DLGAP1: variants seen among roughly 807,000 people sequenced by gnomAD.
The protein encoded by DLGAP1 is disks large-associated protein 1.
A neutral mutation model predicts 90.8 loss-of-function variants in DLGAP1; 11 were observed. That is an observed-to-expected ratio of 0.12 (90% CI 0.08 to 0.20). DLGAP1 has a LOEUF of 0.20. Ranked by LOEUF, DLGAP1 falls within the 10% of genes least tolerant of loss-of-function variation. The pLI, the probability that DLGAP1 is intolerant of heterozygous loss-of-function variation, is 1.00. For synonymous variants in DLGAP1, 558 were observed against 540.7 expected, an observed-to-expected ratio of 1.03 and a Z score of -0.44; for missense variants, 1,050 against 1,333.8, an observed-to-expected ratio of 0.79 and a Z score of 3.31.
At chr18:3,894,389 A>G (rs369693254) in intron 3 of DLGAP1, among the ~76,000 whole-genome samples, 1 of 152,168 alleles carries the variant, frequency 6.6e-6, no homozygotes, top group African/African-American at 2.4e-5. Flanking sequence ...TAATTTTTGT[A>G]TACAGTGAGA....
rs1598972678 is a variant in DLGAP1 at position 3,506,742 on chromosome 18, C to A, written c.2571+1828G>T. Among the ~76,000 whole-genome samples, 7 of 152,180 alleles carry A rather than the reference C, an allele frequency of 4.6e-5. No homozygotes were observed. The South Asian group carries it at 1.4e-3, about 32-fold the overall frequency. On this transcript the variant is annotated intron_variant, in intron 11 of 12. Transcript: ENST00000315677. Reference sequence around the variant, plus strand: ...TCCTTATGTACCTATTCTTCATGTACATGTTTGAGCAACACGGCTTTATAT... The same window carrying A: ...TCCTTATGTACCTATTCTTCATGTAAATGTTTGAGCAACACGGCTTTATAT...
At chr18:3,669,238 G>T (rs1340444602) in intron 7 of DLGAP1, among the ~76,000 whole-genome samples, 1 of 152,038 alleles carries the variant, frequency 6.6e-6, no homozygotes, top group Non-Finnish European at 1.5e-5. Context: ...GATAAGGAGT[G>T]CTGGGAAGGG....
chr18:4,351,030 G>A (rs866948943), intron 1 of DLGAP1, among the ~76,000 whole-genome samples: 4 of 152,092 alleles, frequency 2.6e-5, no homozygotes, highest in African/African-American at 9.7e-5. Flanking sequence ...AGTGAAAATG[G>A]AGAGATTGAC....
chr18:4,065,366 G>A (rs755969545), intron 2 of DLGAP1, among the ~76,000 whole-genome samples: 4 of 151,986 alleles, frequency 2.6e-5, no homozygotes, highest in Non-Finnish European at 4.4e-5. Context: ...TAAATAGTAA[G>A]AGAAGAAGTC....
intron 2 of DLGAP1, among the ~76,000 whole-genome samples, chr18:4,067,946 C>T (rs977545013): frequency 3.3e-5 from 5 of 151,984 alleles, no homozygotes; most frequent in Non-Finnish European, 7.4e-5. Context: ...TGAGACTGTG[C>T]CTTGGGCCCT....
chr18:3,862,221 G>A (rs2070113497), intron 4 of DLGAP1, among the ~76,000 whole-genome samples: 1 of 152,206 alleles, frequency 6.6e-6, no homozygotes, highest in South Asian at 2.1e-4. Context: ...CCTGTCAGAG[G>A]ATGAGGGGCC....
At chr18:3,949,928 C>T (rs1177694406) in intron 3 of DLGAP1, among the ~76,000 whole-genome samples, 1 of 152,138 alleles carries the variant, frequency 6.6e-6, no homozygotes, top group Non-Finnish European at 1.5e-5. Context: ...AACACAAATT[C>T]ATTTATATAA....
At chr18:3,523,808 A>G (rs896668152) in intron 10 of DLGAP1, among the ~76,000 whole-genome samples, 4 of 151,228 alleles carry the variant, frequency 2.6e-5, no homozygotes, top group South Asian at 2.1e-4. Context: ...AGATAGCGCC[A>G]CTGCACTCCA....
At chr18:4,275,725 G>A (rs998951702) in intron 1 of DLGAP1, among the ~76,000 whole-genome samples, 3 of 151,982 alleles carry the variant, frequency 2.0e-5, no homozygotes, top group African/African-American at 7.2e-5. Context: ...ATTAGACGAT[G>A]TGTTAAAATT....
rs529863706 is a variant in DLGAP1, at chr18:4,408,887, T to C, written c.-267+46119A>G. On this transcript the variant is annotated intron_variant, in intron 1 of 12. Coordinates refer to ENST00000315677, the MANE Select transcript of DLGAP1 (RefSeq NM_004746.4). ...TATTTCTGGGGTTAATTTGACAACATCTAGGAAAACGCTCTAACCTAGACT... is the reference window on the plus strand; with the variant it reads ...TATTTCTGGGGTTAATTTGACAACACCTAGGAAAACGCTCTAACCTAGACT... Among the ~76,000 whole-genome samples, 5 of 152,110 alleles carry C rather than the reference T, an allele frequency of 3.3e-5. No homozygotes were observed. In the South Asian group the frequency reaches 1.0e-3, roughly 32 times the overall value.
chr18:4,019,765 C>T (rs2074578422), intron 2 of DLGAP1, among the ~76,000 whole-genome samples: 1 of 152,174 alleles, frequency 6.6e-6, no homozygotes, highest in Admixed American at 6.5e-5. Flanking sequence ...CCTGGCTATG[C>T]CTGTCCAAGG....
intron 1 of DLGAP1, among the ~76,000 whole-genome samples, chr18:4,210,340 A>G (rs1402632): frequency 0.61 from 92,463 of 152,000 alleles, 28,503 homozygotes; most frequent in East Asian, 0.82. Context: ...AATAATCAGA[A>G]ATATTAAGTT....
chr18:4,133,766 AT>A (rs1038600457), intron 2 of DLGAP1, among the ~76,000 whole-genome samples: 1 of 152,128 alleles, frequency 6.6e-6, no homozygotes, highest in African/African-American at 2.4e-5. Flanking sequence ...CAGAAACAGT[AT>A]TTTGGGCTTG....
chr18:3,947,278 C>T (rs141005088), intron 3 of DLGAP1, among the ~76,000 whole-genome samples: 47 of 152,274 alleles, frequency 3.1e-4, no homozygotes, highest in African/African-American at 4.3e-4. Flanking sequence ...AAGTTCTTTC[C>T]GTTTCTTATC....
Position 3,513,096 on chromosome 18 carries a change from A to C in DLGAP1, c.2480-4435T>G, listed in dbSNP as rs116157072. 3.4e-3 allele frequency among the ~76,000 whole-genome samples: 515 copies of C among 152,188 alleles called. 2 individuals are homozygous for C. Among genetic ancestry groups the C allele is most frequent in the African/African-American group, 0.012 (501 of 41,526 alleles). On this transcript the variant is annotated intron_variant, in intron 10 of 12. Coordinates refer to ENST00000315677, the MANE Select transcript of DLGAP1 (RefSeq NM_004746.4). ...TTTCCTGAGTTTTGACTATTTTAAGATACATCATATAAGCAGAATCATGCA... is the reference window on the plus strand; with the variant it reads ...TTTCCTGAGTTTTGACTATTTTAAGCTACATCATATAAGCAGAATCATGCA...
intron 4 of DLGAP1, among the ~76,000 whole-genome samples, chr18:3,827,022 C>T (rs2067755660): frequency 1.3e-5 from 2 of 152,132 alleles, no homozygotes; most frequent in Non-Finnish European, 2.9e-5. Context: ...TTCCCATTAG[C>T]TGAGATGACA....
rs1163780080 is a variant in DLGAP1, at chr18:3,534,537, A to T, written c.2136T>A (p.Asn712Lys). 6.2e-7 allele frequency: 1 copy of T among 1,613,882 alleles called. No individual in the cohort carries two copies. The highest frequency in any genetic ancestry group is 1.7e-5 in the Admixed American group (1 of 59,996). Residue 712 changes from asparagine to lysine, a missense_variant, in exon 10 of 13, where the codon AAT becomes AAA. Coordinates refer to ENST00000315677, the MANE Select transcript of DLGAP1 (RefSeq NM_004746.4). ...AATTGTCCTCTATAGATTCCAGAGA[A>T]TTTTCCAGATTATCATGGAAGTCCA... ...ADLDFHDNLE[N>K]SLESIEDNSC...
At chr18:3,646,431 C>A (rs910256982) in intron 7 of DLGAP1, among the ~76,000 whole-genome samples, 2 of 152,008 alleles carry the variant, frequency 1.3e-5, no homozygotes, top group South Asian at 4.1e-4. Context: ...AAATAAAACC[C>A]TCCATACTTA....
At chr18:4,002,880 G>A (rs1180832576) in intron 3 of DLGAP1, among the ~76,000 whole-genome samples, 1 of 152,072 alleles carries the variant, frequency 6.6e-6, no homozygotes, top group Non-Finnish European at 1.5e-5. Context: ...ACACTGCCAG[G>A]TCTCTATCTC....
Sources: gnomAD v4.1 joint callset for allele counts (sites outside exome capture counted in the v4.1 genomes callset) on GRCh38, gnomAD v4.1.1 for gene constraint, MANE v1.5 for transcripts, NCBI Gene and HGNC (gene_info 2026-07-23, HGNC 2026-07-21) for gene names.